The following TMIGD3 variants were observed in gnomAD, a reference collection of about 807,000 sequenced individuals.
TMIGD3 encodes AD026 protein (AD026).
In TMIGD3, 21 loss-of-function variants were observed where a neutral mutation model predicts 28.1. The ratio of observed to expected loss-of-function variants is 0.75; its 90% CI spans 0.53 to 1.08. The LOEUF is 1.08. Ranked by LOEUF, TMIGD3 falls within the 50% of genes least tolerant of loss-of-function variation. The probability of loss-of-function intolerance (pLI) is 0.00; values close to 1 mark genes in which losing one functional copy is unlikely to be tolerated. For synonymous variants in TMIGD3, 151 were observed against 162.1 expected (o/e 0.93, Z 0.52); for missense variants, 416 against 435.6 (o/e 0.96, Z 0.40).
At chr1:111,499,715 T>A (rs768335245) in intron 1 of TMIGD3, 28 of 1,348,760 alleles carry the variant, frequency 2.1e-5, no homozygotes, top group Non-Finnish European at 2.7e-5. Context: ...TAATACGTTG[T>A]CCCCAAGTCA....
chr1:111,486,455 A>C, intron 4 of TMIGD3, 131 bp downstream of exon 4: 2 of 670,620 alleles, frequency 3.0e-6, no homozygotes, highest in Non-Finnish European at 5.4e-6. Flanking sequence ...ATACATAGTT[A>C]AGGTGGAGAA....
At chr1:111,515,040 G>C (rs1655812611) in intron 1 of TMIGD3, among the ~76,000 whole-genome samples, 1 of 152,196 alleles carries the variant, frequency 6.6e-6, no homozygotes, top group Non-Finnish European at 1.5e-5. Context: ...GTGTTACACT[G>C]CCTGGAACCC....
intron 1 of TMIGD3, among the ~76,000 whole-genome samples, chr1:111,512,341 G>A (rs1655715886): frequency 6.6e-6 from 1 of 152,218 alleles, no homozygotes; most frequent in East Asian, 1.9e-4. Context: ...CCTCCTCACT[G>A]GGCATCAGGC....
At chr1:111,510,593 C>G (rs1655658065) in intron 1 of TMIGD3, among the ~76,000 whole-genome samples, 1 of 152,032 alleles carries the variant, frequency 6.6e-6, no homozygotes, top group Non-Finnish European at 1.5e-5. Context: ...TCACACTTGG[C>G]TTAGGTTTTC....
chr1:111,485,615 G>A, intron 5 of TMIGD3, 125 bp downstream of exon 5: 5 of 700,424 alleles, frequency 7.1e-6, no homozygotes, highest in South Asian at 3.9e-5. Context: ...ATGGCTGGCT[G>A]CATTGGTCTC....
chr1:111,502,985 C>A lies in TMIGD3; in HGVS notation c.350+20G>T. The A allele has an allele frequency of 6.2e-7, 1 of 1,608,486 alleles. No homozygotes were observed. Among genetic ancestry groups the A allele is most frequent in the East Asian group, 2.2e-5 (1 of 44,792 alleles). On this transcript the variant is annotated intron_variant, in intron 1 of 5. Coordinates refer to ENST00000369716, the MANE Select transcript of TMIGD3 (RefSeq NM_020683.7). ...TTTCCCAGCTGCCTCAATTGCTGCCCACCCCACGCCGCAGGCTACCTGACG... is the reference window on the plus strand; with the variant it reads ...TTTCCCAGCTGCCTCAATTGCTGCCAACCCCACGCCGCAGGCTACCTGACG...
intron 1 of TMIGD3, among the ~76,000 whole-genome samples, chr1:111,561,343 C>T (rs1279942178): frequency 6.6e-6 from 1 of 152,170 alleles, no homozygotes; most frequent in Non-Finnish European, 1.5e-5. Flanking sequence ...AGGCTGGTCT[C>T]AAACTCCTGG....
chr1:111,562,474 T>C (rs1375543805), intron 1 of TMIGD3, among the ~76,000 whole-genome samples: 1 of 152,248 alleles, frequency 6.6e-6, no homozygotes, highest in Non-Finnish European at 1.5e-5. Context: ...CCTGCATTTG[T>C]GTCCATCAGA....
intron 1 of TMIGD3, among the ~76,000 whole-genome samples, chr1:111,555,362 TAAAAAA>T (rs397981230): frequency 3.1e-4 from 15 of 47,650 alleles, no homozygotes; most frequent in African/African-American, 9.5e-4. Context: ...TGAGACTCTG[TAAAAAA>T]AAAAAAAAAA....
Position 111,486,530 on chromosome 1 carries a change from C to T in TMIGD3, c.872+56G>A. The T allele has an allele frequency of 3.7e-6, 5 of 1,337,636 alleles. No individual in the cohort carries two copies. In the Admixed American group the frequency reaches 6.8e-5, roughly 18 times the overall value. The allele number at this position is 1,337,636 out of a possible 1,614,324, so 82.9% of individuals were successfully genotyped here. A position where few individuals can be genotyped will look rare whatever the true frequency, so the allele number is the denominator to read the frequency against. Reference sequence around the variant, plus strand: ...TCATATCATACTGCTGCCACCCCAGCCCCTACCTCCACCCCACCGCCCCAA... The same window carrying T: ...TCATATCATACTGCTGCCACCCCAGTCCCTACCTCCACCCCACCGCCCCAA... On this transcript the variant is annotated intron_variant, in intron 4 of 5. Coordinates refer to ENST00000369716, the MANE Select transcript of TMIGD3 (RefSeq NM_020683.7).
intron 1 of TMIGD3, among the ~76,000 whole-genome samples, chr1:111,542,976 C>T (rs12072974): frequency 1.8e-3 from 278 of 152,200 alleles, no homozygotes; most frequent in African/African-American, 6.0e-3. Flanking sequence ...GGATTACAAG[C>T]GTGAGTGAGC....
intron 1 of TMIGD3, among the ~76,000 whole-genome samples, chr1:111,546,017 C>CT (rs1373088684): frequency 6.6e-6 from 1 of 152,106 alleles, no homozygotes; most frequent in Non-Finnish European, 1.5e-5. Context: ...CTTTAGAATA[C>CT]TGTAGCTTTG....
At chr1:111,548,111 C>G (rs1323439661) in intron 1 of TMIGD3, among the ~76,000 whole-genome samples, 1 of 152,246 alleles carries the variant, frequency 6.6e-6, no homozygotes, top group Non-Finnish European at 1.5e-5. Context: ...ACCTCCACCT[C>G]CTGGGTTCAA....
In TMIGD3 at chr1:111,483,571, G is replaced by A. The variant is rs1006026984; in HGVS notation, c.*116C>T. The A allele has an allele frequency of 4.5e-6, 4 of 882,264 alleles. No homozygotes were observed. In the African/African-American group the frequency reaches 6.7e-5, roughly 15 times the overall value. 54.7% of individuals were successfully genotyped at this position (882,264 alleles called of 1,614,324 possible). ...CTGCAAATGATTGTTGTCAAGGATA[G>A]AGGGTCCTTCAGAATTCCTGGGAGA... On this transcript the variant is annotated 3_prime_UTR_variant, in exon 6 of 6. Coordinates refer to ENST00000369716, the MANE Select transcript of TMIGD3 (RefSeq NM_020683.7).
chr1:111,523,078 C>G (rs1656133902), intron 1 of TMIGD3, among the ~76,000 whole-genome samples: 2 of 152,118 alleles, frequency 1.3e-5, no homozygotes, highest in South Asian at 4.1e-4. Flanking sequence ...AGGGGGAAAG[C>G]ATTCAGTCTT....
intron 1 of TMIGD3, among the ~76,000 whole-genome samples, chr1:111,535,127 A>G (rs1348952485): frequency 6.6e-6 from 1 of 152,224 alleles, no homozygotes; most frequent in Non-Finnish European, 1.5e-5. Context: ...CCTACCTTAT[A>G]GACTAATATT....
rs747612847 is a variant in TMIGD3, at chr1:111,490,696, G to A, written c.417C>T (p.Val139=). ...SFQLKVCFLP[V]MWLFILLSLA... ...AGGAGAGTAGAATGAAGAGCCACAT[G>A]ACTGGAAGGAAGCAAACTTTCAACT... The change falls in exon 2 of 6, where the codon GTC becomes GTT. Residue 139 remains valine (V), a synonymous_variant. Coordinates refer to ENST00000369716, the MANE Select transcript of TMIGD3 (RefSeq NM_020683.7). 2.4e-5 allele frequency: 38 copies of A among 1,613,922 alleles called. No homozygotes were observed. The highest frequency in any genetic ancestry group is 3.2e-5 in the Non-Finnish European group (38 of 1,179,956).
intron 1 of TMIGD3, among the ~76,000 whole-genome samples, chr1:111,512,992 T>C (rs926281894): frequency 4.6e-5 from 7 of 152,104 alleles, no homozygotes; most frequent in African/African-American, 1.7e-4. Flanking sequence ...GAAGCAGTGG[T>C]TTGTCAGCAT....
intron 1 of TMIGD3, among the ~76,000 whole-genome samples, chr1:111,531,075 C>T (rs1029818439): frequency 2.6e-5 from 4 of 152,136 alleles, no homozygotes; most frequent in South Asian, 2.1e-4. Flanking sequence ...CTCAGGAGCT[C>T]GAGACCAGCC....
Sources: allele counts gnomAD v4.1 joint callset (sites outside exome capture counted in the v4.1 genomes callset), GRCh38; gene constraint gnomAD v4.1.1; transcripts MANE v1.5; gene names NCBI Gene and HGNC (gene_info 2026-07-23, HGNC 2026-07-21).